Variants in ROBO2 observed in about 807,000 individuals in gnomAD.
ROBO2 encodes the protein roundabout guidance receptor 2, also known as roundabout homolog 2.
In ROBO2, 53 loss-of-function variants were observed where a neutral mutation model predicts 160.8. The observed-to-expected ratio is 0.33, with a 90% CI of 0.26 to 0.41. The LOEUF is 0.41. Ranked by LOEUF, ROBO2 falls within the 10% of genes least tolerant of loss-of-function variation. ROBO2 has a pLI of 1.00. For missense variants in ROBO2, 1,577 were observed against 1,722.4 expected (o/e 0.92, Z 1.49); for synonymous variants, 664 against 611.7 (o/e 1.09, Z -1.26).
chr3:75,964,680 C>T (rs1228216361), intron 2 of ROBO2, among the ~76,000 whole-genome samples: 1 of 151,610 alleles, frequency 6.6e-6, no homozygotes, highest in Non-Finnish European at 1.5e-5. Flanking sequence ...ATAACCAAAG[C>T]ACATGATTTA....
At chr3:76,339,931 T>A (rs1313574318) in intron 2 of ROBO2, among the ~76,000 whole-genome samples, 1 of 152,094 alleles carries the variant, frequency 6.6e-6, no homozygotes, top group Non-Finnish European at 1.5e-5. Flanking sequence ...TTACTACATA[T>A]AATCTGGGGG....
At chr3:76,548,486 T>C (rs754475929) in intron 2 of ROBO2, among the ~76,000 whole-genome samples, 22 of 152,048 alleles carry the variant, frequency 1.4e-4, no homozygotes, top group Non-Finnish European at 2.2e-4. Flanking sequence ...ACATGACAAA[T>C]GAGAATCCCA....
chr3:77,289,038 T>C (rs2060835182), intron 2 of ROBO2, among the ~76,000 whole-genome samples: 1 of 152,326 alleles, frequency 6.6e-6, no homozygotes, highest in South Asian at 2.1e-4. Flanking sequence ...TGTGTGTTTG[T>C]TCCTGTTGTG....
chr3:77,289,023 G>C (rs962086257), intron 2 of ROBO2, among the ~76,000 whole-genome samples: 2 of 152,136 alleles, frequency 1.3e-5, no homozygotes, highest in African/African-American at 4.8e-5. Flanking sequence ...GGTGAGTTTT[G>C]TTTCTGTGTG....
intron 2 of ROBO2, among the ~76,000 whole-genome samples, chr3:77,400,865 T>C (rs1031386347): frequency 6.6e-6 from 1 of 151,840 alleles, no homozygotes; most frequent in Non-Finnish European, 1.5e-5. Flanking sequence ...TGGCAAAGTT[T>C]AATTACAATT....
At chr3:76,513,732 A>G (rs1405031008) in intron 2 of ROBO2, among the ~76,000 whole-genome samples, 3 of 152,238 alleles carry the variant, frequency 2.0e-5, no homozygotes, top group Admixed American at 6.5e-5. Flanking sequence ...AGAGATGAGT[A>G]TAATAAACTC....
intron 2 of ROBO2, among the ~76,000 whole-genome samples, chr3:76,669,018 G>GTACATGCTTTGT (rs1314374335): frequency 6.6e-6 from 1 of 152,116 alleles, no homozygotes; most frequent in African/African-American, 2.4e-5. Flanking sequence ...AGTACAGCGA[G>GTACATGCTTTGT]AGAGGGGCAT....
intron 2 of ROBO2, among the ~76,000 whole-genome samples, chr3:76,848,051 T>C (rs940332780): frequency 2.0e-5 from 3 of 152,206 alleles, no homozygotes; most frequent in African/African-American, 7.2e-5. Context: ...GTTTATGTCA[T>C]TACTTTCTCA....
chr3:76,581,460 G>A lies in ROBO2; in HGVS notation c.110-516554G>A, dbSNP rs541771667. Among the ~76,000 whole-genome samples, 161 of 152,116 alleles carry A rather than the reference G, an allele frequency of 1.1e-3. 1 individual carries two copies. The highest frequency in any genetic ancestry group is 2.9e-3 in the Admixed American group (45 of 15,268). On this transcript the variant is annotated intron_variant, in intron 2 of 26. Transcript: ENST00000487694. Reference sequence around the variant, plus strand: ...CCAAGCACCCTGGGCAACATGGCGAGATGTTGTCTCTAAACAAAAATAAAA... The same window carrying A: ...CCAAGCACCCTGGGCAACATGGCGAAATGTTGTCTCTAAACAAAAATAAAA...
chr3:77,167,524 A>G (rs1485108240), intron 2 of ROBO2, among the ~76,000 whole-genome samples: 2 of 152,176 alleles, frequency 1.3e-5, no homozygotes, highest in Non-Finnish European at 2.9e-5. Context: ...AGCTCCCAGC[A>G]TAAGAGAGGC....
At chr3:76,662,077 G>A (rs73841268) in intron 2 of ROBO2, among the ~76,000 whole-genome samples, 1,618 of 152,200 alleles carry the variant, frequency 0.011, 25 homozygotes, top group African/African-American at 0.037. Flanking sequence ...ATTCCAAAGA[G>A]AGGAGGGTGT....
In ROBO2 at chr3:76,989,014, TTCATATGTATTATC is replaced by T. The variant is rs372583086; in HGVS notation, c.110-108997_110-108984del. 6.0e-3 allele frequency among the ~76,000 whole-genome samples: 906 copies of T among 152,236 alleles called. 11 individuals are homozygous for T. The highest frequency in any genetic ancestry group is 0.021 in the African/African-American group (864 of 41,554). ...GTAGAAGAAACATTTGTCCTGTATT[TTCATATGTATTATC>T]TCCCTAAACACCTTCTTAACATGAT... On this transcript the variant is annotated intron_variant, in intron 2 of 26. Transcript: ENST00000487694.
intron 1 of ROBO2, among the ~76,000 whole-genome samples, chr3:77,051,478 A>C (rs2065221914): frequency 6.6e-6 from 1 of 152,174 alleles, no homozygotes; most frequent in African/African-American, 2.4e-5. Context: ...TTTCCTGTTA[A>C]ACTGTAGCAC....
At chr3:77,131,032 A>T (rs2075811222) in intron 2 of ROBO2, among the ~76,000 whole-genome samples, 1 of 152,104 alleles carries the variant, frequency 6.6e-6, no homozygotes, top group African/African-American at 2.4e-5. Context: ...AAATATATAT[A>T]TTATTGGATA....
chr3:77,237,259 T>C (rs1472036183), intron 2 of ROBO2, among the ~76,000 whole-genome samples: 1 of 149,298 alleles, frequency 6.7e-6, no homozygotes, highest in Admixed American at 6.8e-5. Flanking sequence ...TGGATGGCAG[T>C]GGTGTGACCA....
intron 2 of ROBO2, among the ~76,000 whole-genome samples, chr3:76,806,210 T>TGC (rs1194577512): frequency 1.0e-5 from 1 of 99,818 alleles, no homozygotes; most frequent in African/African-American, 4.4e-5. Flanking sequence ...TTATTTTCTG[T>TGC]GTGCGTGTGT....
intron 2 of ROBO2, among the ~76,000 whole-genome samples, chr3:76,357,324 A>G (rs1283198649): frequency 6.6e-6 from 1 of 151,994 alleles, no homozygotes; most frequent in Admixed American, 6.6e-5. Flanking sequence ...GGATAAATGA[A>G]CAAACTGCTG....
At chr3:76,777,561 T>C (rs2108568738) in intron 2 of ROBO2, among the ~76,000 whole-genome samples, 1 of 151,210 alleles carries the variant, frequency 6.6e-6, no homozygotes, top group South Asian at 2.1e-4. Context: ...CTTTCTTTTT[T>C]TTTTTAACAA....
At chr3:77,606,810 G>A (rs2094534862) in intron 20 of ROBO2, among the ~76,000 whole-genome samples, 1 of 152,144 alleles carries the variant, frequency 6.6e-6, no homozygotes, top group South Asian at 2.1e-4. Flanking sequence ...AGATGAAGTC[G>A]AAAGAATCAG....
Sources: allele counts gnomAD v4.1 joint callset (sites outside exome capture counted in the v4.1 genomes callset), GRCh38; gene constraint gnomAD v4.1.1; transcripts MANE v1.5; gene names NCBI Gene and HGNC (gene_info 2026-07-23, HGNC 2026-07-21).